Variants in NARS1 observed in about 807,000 individuals in gnomAD.
NARS1 encodes the protein asparagine--tRNA ligase, cytoplasmic.
NARS1 carries 65 observed loss-of-function variants against 79.2 expected under a neutral mutation model. The ratio of observed to expected loss-of-function variants is 0.82; its 90% CI spans 0.67 to 1.01. The LOEUF is 1.01. Among genes scored for constraint, NARS1 ranks in the 50% least tolerant of loss-of-function variants. The pLI is 0.00. For synonymous variants in NARS1, 229 were observed against 238.8 expected (o/e 0.96, Z 0.38); for missense variants, 649 against 673.8 (o/e 0.96, Z 0.41).
At chr18:57,618,693 G>A (rs576387695) in intron 2 of NARS1, among the ~76,000 whole-genome samples, 1 of 151,998 alleles carries the variant, frequency 6.6e-6, no homozygotes, top group East Asian at 1.9e-4. Context: ...CTTAAGCCCA[G>A]GAGTTTAAGA....
At chr18:57,604,351 G>A (rs781728451) in intron 11 of NARS1, among the ~76,000 whole-genome samples, 2 of 151,822 alleles carry the variant, frequency 1.3e-5, no homozygotes, top group Non-Finnish European at 2.9e-5. Flanking sequence ...CCAGGAGTTT[G>A]AGACCAGCCC....
At position 57,606,642 on chromosome 18, in the gene NARS1, C is replaced by T; in HGVS notation, c.1111G>A (p.Gly371Arg). ...GGGTTGAGCTCATGCACTATGCTCC[C>T]TGCAGGTGACTTCAATATTCGATCT... ...VVDRILKSPA[G>R]SIVHELNPNF... The change falls in exon 10 of 14, where the codon GGG becomes AGG. Residue 371 changes from glycine to arginine, a missense_variant. Gly to Arg is a moderately radical substitution (Grantham distance 125). Coordinates refer to ENST00000256854, the MANE Select transcript of NARS1 (RefSeq NM_004539.4). 1 of 1,614,104 alleles carries T rather than the reference C, an allele frequency of 6.2e-7. No homozygotes were observed.
intron 2 of NARS1, among the ~76,000 whole-genome samples, chr18:57,617,993 G>A (rs1908129437): frequency 6.6e-6 from 1 of 150,490 alleles, no homozygotes; most frequent in Non-Finnish European, 1.5e-5. Flanking sequence ...AATACATGTA[G>A]GGGCCAGGCG....
rs1907992432 is a variant in NARS1, at chr18:57,615,687, T to G, written c.296A>C (p.Lys99Thr). 2.5e-6 allele frequency: 4 copies of G among 1,613,142 alleles called. No individual in the cohort carries two copies. The highest frequency in any genetic ancestry group is 3.4e-6 in the Non-Finnish European group (4 of 1,179,738). The change falls in exon 4 of 14, where the codon AAG becomes ACG. Residue 99 changes from lysine to threonine, a missense_variant. By Grantham distance (78) the Lys-to-Thr change is moderately conservative (BLOSUM62 -1). Coordinates refer to ENST00000256854, the MANE Select transcript of NARS1 (RefSeq NM_004539.4). ...LRREKNLEEA[K>T]KITIKNDPSL... is the part of the protein sequence containing the mutation. ...TGGATCATTTTTAATGGTAATCTTC[T>G]TTGCTTCTTCCAGGTTCTTTTCTCT...
intron 5 of NARS1, 44 bp downstream of exon 5, chr18:57,613,557 AG>A: frequency 1.4e-6 from 2 of 1,469,778 alleles, no homozygotes; most frequent in Non-Finnish European, 1.9e-6. Context: ...ATCTAAGAGC[AG>A]GGATATTTAA....
intron 7 of NARS1, among the ~76,000 whole-genome samples, 176 bp from the exon 8 acceptor site, chr18:57,607,841 A>AAATACAC (rs11282350): frequency 0.081 from 12,369 of 151,856 alleles, 660 homozygotes; most frequent in Middle Eastern, 0.13. Flanking sequence ...CTTTCTGGAT[A>AAATACAC]AATACACACT....
intron 13 of NARS1, 145 bp downstream of exon 13, chr18:57,602,210 A>T: frequency 1.4e-6 from 1 of 735,866 alleles, no homozygotes; most frequent in South Asian, 2.2e-5. Context: ...GGCAATATTC[A>T]CACACCACAT....
chr18:57,621,759 ACAC>A lies in NARS1; in HGVS notation c.-45_-43del. ...GTCACCTCCAAGGACACAGACTGCA[ACAC>A]CGACGCCGTCTTATGACTCCAACGT... is the stretch of plus-strand genomic sequence containing the variant. On this transcript the variant is annotated 5_prime_UTR_variant, in exon 1 of 14. Coordinates refer to ENST00000256854, the MANE Select transcript of NARS1 (RefSeq NM_004539.4). 6.2e-7 allele frequency: 1 copy of A among 1,613,822 alleles called. No individual in the cohort carries two copies. Among genetic ancestry groups the A allele is most frequent in the Non-Finnish European group, 8.5e-7 (1 of 1,179,984 alleles).
At position 57,615,854 on chromosome 18, in the gene NARS1, C is replaced by G; in HGVS notation, c.215G>C (p.Arg72Thr). 6.2e-7 allele frequency: 1 copy of G among 1,613,480 alleles called. No homozygotes were observed. The highest frequency in any genetic ancestry group is 8.5e-7 in the Non-Finnish European group (1 of 1,179,808). ...CCGGGATTCACTCTTCATTTGTTCC[C>G]TATGCCACATCTTTTTAATGTTCTT... ...QLKNIKKMWH[R>T]EQMKSESREK... is the part of the protein sequence containing the mutation. Residue 72 changes from arginine to threonine, a missense_variant, in exon 3 of 14, where the codon AGG becomes ACG. Transcript: ENST00000256854.
At chr18:57,603,116 T>C (rs888291445) in intron 11 of NARS1, among the ~76,000 whole-genome samples, 173 bp from the exon 12 acceptor site, 1 of 151,996 alleles carries the variant, frequency 6.6e-6, no homozygotes, top group Admixed American at 6.6e-5. Context: ...CAAAAAGAAA[T>C]AAACATATTC....
chr18:57,615,290 C>T (rs916796661), intron 4 of NARS1, among the ~76,000 whole-genome samples: 36 of 152,134 alleles, frequency 2.4e-4, no homozygotes, highest in African/African-American at 7.7e-4. Flanking sequence ...ATCACGAGAT[C>T]GGGAGATCAA....
At chr18:57,615,511 T>A (rs912290739) in intron 4 of NARS1, 130 bp downstream of exon 4, 15 of 636,938 alleles carry the variant, frequency 2.4e-5, no homozygotes, top group Admixed American at 3.2e-5. Flanking sequence ...CAAAAATAAA[T>A]AAATAAATAA....
chr18:57,605,503 A>C (rs1043099204), intron 11 of NARS1, among the ~76,000 whole-genome samples: 1 of 149,800 alleles, frequency 6.7e-6, no homozygotes, highest in Non-Finnish European at 1.5e-5. Flanking sequence ...GCTACTCGGG[A>C]GGCTGAGGCA....
intron 2 of NARS1, among the ~76,000 whole-genome samples, chr18:57,620,183 A>G (rs1194451164): frequency 6.6e-6 from 1 of 152,196 alleles, no homozygotes; most frequent in Non-Finnish European, 1.5e-5. Context: ...AAATCTCAGG[A>G]TCACACTCTG....
Position 57,602,394 on chromosome 18 carries a change from T to C in NARS1, c.1476A>G (p.Glu492=). Residue 492 remains glutamate (E), a synonymous_variant, in exon 13 of 14, where the codon GAA becomes GAG. Transcript: ENST00000256854. ...SEEILAGYKR[E]GIDPTPYYWY... ...AGTAATAGGGAGTGGGGTCAATCCCTTCCCTTTTATAACCTGCCAGTATTT... is the reference window on the plus strand; with the variant it reads ...AGTAATAGGGAGTGGGGTCAATCCCCTCCCTTTTATAACCTGCCAGTATTT... 6.2e-7 allele frequency: 1 copy of C among 1,613,856 alleles called. No homozygotes were observed. Among genetic ancestry groups the C allele is most frequent in the Non-Finnish European group, 8.5e-7 (1 of 1,179,754 alleles).
rs757857399 is a variant in NARS1 at position 57,607,271 on chromosome 18, G to C, written c.864C>G (p.Asp288Glu). Residue 288 changes from aspartate to glutamate, a missense_variant, in exon 9 of 14, where the codon GAC becomes GAG. Transcript: ENST00000256854. Reference protein sequence around the residue: ...VEGGATLFKLDYFGEEAFLTQ... With the variant: ...VEGGATLFKLEYFGEEAFLTQ... ...TCAAAAATGCCTCTTCCCCAAAATA[G>C]TCAAGCTTGAAGAGTGTGGCACCAC... is the stretch of plus-strand genomic sequence containing the variant. The C allele has an allele frequency of 8.1e-6, 13 of 1,614,162 alleles. No individual in the cohort carries two copies. The South Asian group carries it at 1.4e-4, about 18-fold the overall frequency.
At chr18:57,611,315 TATG>T (rs1267707862) in intron 6 of NARS1, among the ~76,000 whole-genome samples, 1 of 152,166 alleles carries the variant, frequency 6.6e-6, no homozygotes, top group Non-Finnish European at 1.5e-5. Context: ...AATAAAATGA[TATG>T]ATGTCTGAGG....
Position 57,613,681 on chromosome 18 carries a change from C to A in NARS1, c.343-1G>T, listed in dbSNP as rs2051624710. On this transcript the variant is annotated splice_acceptor_variant, in intron 4 of 13. Transcript: ENST00000256854. LOFTEE classifies it high-confidence loss of function. ...ATCCTTCTAACGCACCAATCTTCAC[C>A]TGTCAAATTGAAATAAACAACATTT... The A allele has an allele frequency of 6.2e-7, 1 of 1,612,546 alleles. No homozygotes were observed. Among genetic ancestry groups the A allele is most frequent in the Non-Finnish European group, 8.5e-7 (1 of 1,178,992 alleles).
chr18:57,610,231 G>A lies in NARS1; in HGVS notation c.493-788C>T, dbSNP rs374090580. ...TCACACCTGTAATCCCAGCACTTTCGGAGGCCGAGGCGGGTGGATCACCTG... is the reference window on the plus strand; with the variant it reads ...TCACACCTGTAATCCCAGCACTTTCAGAGGCCGAGGCGGGTGGATCACCTG... On this transcript the variant is annotated intron_variant, in intron 6 of 13. Transcript: ENST00000256854. Among the ~76,000 whole-genome samples the A allele has an allele frequency of 6.5e-3, 984 of 152,226 alleles. 19 individuals carry two copies. The highest frequency in any genetic ancestry group is 0.023 in the African/African-American group (935 of 41,546).
Sources: gnomAD v4.1 joint callset for allele counts (sites outside exome capture counted in the v4.1 genomes callset) on GRCh38, gnomAD v4.1.1 for gene constraint, MANE v1.5 for transcripts, NCBI Gene and HGNC (gene_info 2026-07-23, HGNC 2026-07-21) for gene names.